The following PTPRD variants were observed in gnomAD, a reference collection of about 807,000 sequenced individuals.
PTPRD encodes receptor-type tyrosine-protein phosphatase delta.
PTPRD carries 34 observed loss-of-function variants against 214.5 expected under a neutral mutation model. The observed-to-expected ratio is 0.16, with a 90% CI of 0.12 to 0.21. The LOEUF is 0.21. PTPRD is among the 10% of genes least tolerant of loss of function. The pLI, the probability that PTPRD is intolerant of heterozygous loss-of-function variation, is 1.00. For missense variants in PTPRD, 2,545 were observed against 2,398.7 expected, an observed-to-expected ratio of 1.06 and a Z score of -1.27; for synonymous variants, 1,128 against 845.7, an observed-to-expected ratio of 1.33 and a Z score of -5.79.
intron 11 of PTPRD, among the ~76,000 whole-genome samples, chr9:8,922,938 C>A (rs1420804785): frequency 6.6e-6 from 1 of 151,874 alleles, no homozygotes; most frequent in Non-Finnish European, 1.5e-5. Context: ...GTTGGGATTA[C>A]AGTCATGAGC....
At chr9:10,428,527 G>C (rs1018571809) in intron 2 of PTPRD, among the ~76,000 whole-genome samples, 20 of 151,902 alleles carry the variant, frequency 1.3e-4, no homozygotes, top group African/African-American at 4.6e-4. Flanking sequence ...TTATATTTTA[G>C]GGAGAATATG....
chr9:8,435,522 A>G (rs1254030149), intron 35 of PTPRD, among the ~76,000 whole-genome samples: 1 of 152,194 alleles, frequency 6.6e-6, no homozygotes, highest in Non-Finnish European at 1.5e-5. Flanking sequence ...TATTTGGTAT[A>G]TCTACAAGAT....
At chr9:9,932,624 G>A (rs1179673955) in intron 5 of PTPRD, among the ~76,000 whole-genome samples, 2 of 117,346 alleles carry the variant, frequency 1.7e-5, no homozygotes, top group African/African-American at 3.5e-5. Context: ...AAGTGATGGG[G>A]AGAATGGAAC....
intron 11 of PTPRD, among the ~76,000 whole-genome samples, chr9:8,922,372 T>G (rs2098833661): frequency 6.6e-6 from 1 of 152,204 alleles, no homozygotes; most frequent in Admixed American, 6.5e-5. Flanking sequence ...GCCAAATATC[T>G]ACACATGCAC....
At chr9:8,605,825 A>C (rs1157192687) in intron 14 of PTPRD, among the ~76,000 whole-genome samples, 1 of 152,092 alleles carries the variant, frequency 6.6e-6, no homozygotes, top group African/African-American at 2.4e-5. Context: ...AGCATACTCT[A>C]CTTACTAGGG....
At chr9:10,386,949 G>C (rs567150019) in intron 2 of PTPRD, among the ~76,000 whole-genome samples, 11 of 151,814 alleles carry the variant, frequency 7.2e-5, no homozygotes, top group Non-Finnish European at 7.4e-5. Context: ...GGAGGCAGGA[G>C]AGTCAGTGTC....
At chr9:9,740,208 A>C (rs1044843725) in intron 6 of PTPRD, among the ~76,000 whole-genome samples, 22 of 152,184 alleles carry the variant, frequency 1.4e-4, no homozygotes, top group Admixed American at 1.3e-3. Context: ...ATATCCCACC[A>C]TGATTTGGGA....
chr9:9,654,568 T>C (rs577742908), intron 7 of PTPRD, among the ~76,000 whole-genome samples: 1 of 152,236 alleles, frequency 6.6e-6, no homozygotes, highest in South Asian at 2.1e-4. Context: ...CACCTGAACA[T>C]TACAAATCAA....
intron 11 of PTPRD, among the ~76,000 whole-genome samples, chr9:8,761,981 C>T (rs940310447): frequency 6.6e-6 from 1 of 152,092 alleles, no homozygotes; most frequent in Non-Finnish European, 1.5e-5. Context: ...GTCAAATAAA[C>T]TCAGATGCCC....
chr9:8,502,010 G>A (rs984682135), intron 23 of PTPRD, among the ~76,000 whole-genome samples: 1 of 151,982 alleles, frequency 6.6e-6, no homozygotes, highest in Non-Finnish European at 1.5e-5. Context: ...TAATTTCTGT[G>A]CAAAATTTCT....
intron 11 of PTPRD, among the ~76,000 whole-genome samples, chr9:8,835,978 C>G (rs2097411689): frequency 6.6e-6 from 1 of 152,154 alleles, no homozygotes; most frequent in African/African-American, 2.4e-5. Flanking sequence ...TCCTCAGTGC[C>G]TGGATCCACG....
intron 3 of PTPRD, among the ~76,000 whole-genome samples, chr9:10,191,167 A>C (rs982120374): frequency 6.6e-6 from 1 of 152,184 alleles, no homozygotes; most frequent in African/African-American, 2.4e-5. Flanking sequence ...CATTTGAATA[A>C]GAAAGAAATG....
intron 11 of PTPRD, among the ~76,000 whole-genome samples, chr9:8,981,438 A>T (rs2099312237): frequency 6.6e-6 from 1 of 152,026 alleles, no homozygotes; most frequent in African/African-American, 2.4e-5. Flanking sequence ...AGTAAAGTCA[A>T]GTGTTTACAC....
chr9:10,023,812 GTTAACA>G (rs1352350383), intron 4 of PTPRD, among the ~76,000 whole-genome samples: 2 of 151,768 alleles, frequency 1.3e-5, no homozygotes, highest in African/African-American at 4.8e-5. Context: ...TTTAATAAAG[GTTAACA>G]TTCTTCACAT....
At chr9:9,225,100 A>G (rs1246795170) in intron 9 of PTPRD, among the ~76,000 whole-genome samples, 1 of 152,074 alleles carries the variant, frequency 6.6e-6, no homozygotes, top group Admixed American at 6.6e-5. Context: ...AAGAGTTATG[A>G]TTAATATAAT....
intron 3 of PTPRD, among the ~76,000 whole-genome samples, chr9:10,050,559 CAAAAAAAAAAAAAAAA>C (rs1164243746): frequency 5.0e-4 from 7 of 13,990 alleles, no homozygotes; most frequent in African/African-American, 9.6e-4. Flanking sequence ...GAGTCTGTCT[CAAAAAAAAAAAAAAAA>C]AAAAAAAAAA....
chr9:9,924,413 C>T (rs1290624338), intron 5 of PTPRD, among the ~76,000 whole-genome samples: 1 of 151,968 alleles, frequency 6.6e-6, no homozygotes. Flanking sequence ...TTATAAGCCT[C>T]TTAATATAAT....
At chr9:9,850,754 T>C (rs1357281014) in intron 5 of PTPRD, among the ~76,000 whole-genome samples, 2 of 152,162 alleles carry the variant, frequency 1.3e-5, no homozygotes, top group African/African-American at 4.8e-5. Flanking sequence ...AGTCACTATG[T>C]TGTCCTACAT....
rs533731098 is a variant in PTPRD at position 9,245,712 on chromosome 9, A to C, written c.-202-62349T>G. Among the ~76,000 whole-genome samples the C allele has an allele frequency of 2.0e-5, 3 of 152,290 alleles. No individual in the cohort carries two copies. The East Asian group carries it at 5.8e-4, about 30-fold the overall frequency. ...TGCAGCACACCAACATGGCACATGTATACATATGTAACAAACCTGCACGTT... is the reference window on the plus strand; with the variant it reads ...TGCAGCACACCAACATGGCACATGTCTACATATGTAACAAACCTGCACGTT... On this transcript the variant is annotated intron_variant, in intron 9 of 45. Coordinates refer to ENST00000381196, the MANE Select transcript of PTPRD (RefSeq NM_002839.4).
Sources: gnomAD v4.1 joint callset for allele counts (sites outside exome capture counted in the v4.1 genomes callset) on GRCh38, gnomAD v4.1.1 for gene constraint, MANE v1.5 for transcripts, NCBI Gene and HGNC (gene_info 2026-07-23, HGNC 2026-07-21) for gene names.